The following SRR variants were observed in gnomAD, a reference collection of about 807,000 sequenced individuals.
The protein encoded by SRR is serine racemase.
SRR carries 19 observed loss-of-function variants against 32.7 expected under a neutral mutation model. The observed-to-expected ratio is 0.58, with a 90% confidence interval of 0.40 to 0.85. The LOEUF (loss-of-function observed/expected upper bound fraction) is 0.85. Among genes scored for constraint, SRR ranks in the 40% least tolerant of loss-of-function variants. SRR has a pLI of 0.00. For missense variants in SRR, 373 were observed against 404.7 expected, an observed-to-expected ratio of 0.92 and a Z score of 0.67; for synonymous variants, 142 against 140.9, an observed-to-expected ratio of 1.01 and a Z score of -0.06.
chr17:2,303,556 GC>G, upstream of SRR: 1 of 1,348,764 alleles, frequency 7.4e-7, no homozygotes, highest in East Asian at 3.1e-5. Context: ...CGAGGGCCGA[GC>G]GGGGAGGAGG....
intron 1 of SRR, among the ~76,000 whole-genome samples, chr17:2,314,109 A>G (rs1217745698): frequency 6.6e-6 from 1 of 152,248 alleles, no homozygotes; most frequent in Non-Finnish European, 1.5e-5. Context: ...AGTCAAATGT[A>G]GGAGCAAATA....
Position 2,317,884 on chromosome 17 carries a change from C to G in SRR, c.183C>G (p.Leu61=). 6.2e-7 allele frequency: 1 copy of G among 1,613,804 alleles called. No homozygotes were observed. The highest frequency in any genetic ancestry group is 8.5e-7 in the Non-Finnish European group (1 of 1,179,876). The change falls in exon 3 of 8, where the codon CTC becomes CTG. Residue 61 remains leucine, a synonymous_variant. Coordinates refer to ENST00000344595, the MANE Select transcript of SRR (RefSeq NM_021947.3). ...KTGSFKIRGA[L]NAVRSLVPDA... is the part of the protein sequence containing the mutation. The stretch of plus-strand genomic sequence containing the variant: ...CTCTTTTTCAGATTCGTGGTGCTCT[C>G]AATGCCGTCAGAAGCTTGGTTCCTG...
rs2075565615 is a variant in SRR at position 2,324,834 on chromosome 17, A to T, written c.*961A>T. On this transcript the variant is annotated 3_prime_UTR_variant, in exon 8 of 8. Coordinates refer to ENST00000344595, the MANE Select transcript of SRR (RefSeq NM_021947.3). ...TAGCAATGAGGCTGTGCATTCCTAA[A>T]GGACAAAAGCAAAGAAGCTATTTAG... The T allele has an allele frequency of 1.2e-6, 2 of 1,604,414 alleles. No individual in the cohort carries two copies. The highest frequency in any genetic ancestry group is 4.5e-5 in the East Asian group (2 of 44,854).
chr17:2,320,609 T>G (rs987375270), intron 4 of SRR, among the ~76,000 whole-genome samples: 1 of 151,998 alleles, frequency 6.6e-6, no homozygotes, highest in African/African-American at 2.4e-5. Context: ...CAACCCAGGC[T>G]GGAGTGCGGT....
chr17:2,321,602 G>A lies in SRR; in HGVS notation c.580G>A (p.Ala194Thr). 1.9e-6 allele frequency: 3 copies of A among 1,613,930 alleles called. No individual in the cohort carries two copies. Among genetic ancestry groups the A allele is most frequent in the Non-Finnish European group, 2.5e-6 (3 of 1,179,958 alleles). ...VGGGGMLAGI[A>T]ITVKALKPSV... Reference sequence around the variant, plus strand: ...TGGAGGAGGAATGCTTGCTGGAATAGCAATTACAGTTAAGGTGAGCAGCTT... The same window carrying A: ...TGGAGGAGGAATGCTTGCTGGAATAACAATTACAGTTAAGGTGAGCAGCTT... The change falls in exon 6 of 8, where the codon GCA becomes ACA. Residue 194 changes from alanine (A) to threonine (T), a missense_variant. By Grantham distance (58) the Ala-to-Thr change is moderately conservative. Coordinates refer to ENST00000344595, the MANE Select transcript of SRR (RefSeq NM_021947.3).
In SRR at chr17:2,320,402, C is replaced by T. The variant is rs527596404; in HGVS notation, c.400-904C>T. ...TCCCGAGTAGCTGGGACTACAGGCG[C>T]GTGCCACCATGCCCAGCTAATTTTT... On this transcript the variant is annotated intron_variant, in intron 4 of 7. Transcript: ENST00000344595. 1.2e-4 allele frequency among the ~76,000 whole-genome samples: 18 copies of T among 151,318 alleles called. No homozygotes were observed. The East Asian group carries it at 1.4e-3, about 11-fold the overall frequency.
At chr17:2,305,495 TA>T (rs1412857029) in intron 1 of SRR, among the ~76,000 whole-genome samples, 1 of 152,024 alleles carries the variant, frequency 6.6e-6, no homozygotes, top group Non-Finnish European at 1.5e-5. Context: ...TACAAAAAAT[TA>T]ATAATTAAAT....
intron 1 of SRR, among the ~76,000 whole-genome samples, chr17:2,309,443 G>A (rs2075418268): frequency 6.6e-6 from 1 of 151,856 alleles, no homozygotes; most frequent in South Asian, 2.1e-4. Flanking sequence ...TTTCTTTCCT[G>A]TGTCACTCCT....
intron 1 of SRR, among the ~76,000 whole-genome samples, chr17:2,309,532 T>A (rs888021801): frequency 2.6e-5 from 4 of 152,228 alleles, no homozygotes; most frequent in African/African-American, 9.6e-5. Flanking sequence ...TAACAAGCCC[T>A]TTCTCATTTT....
intron 1 of SRR, among the ~76,000 whole-genome samples, chr17:2,308,852 C>G (rs1316167624): frequency 6.6e-6 from 1 of 151,728 alleles, no homozygotes; most frequent in Non-Finnish European, 1.5e-5. Flanking sequence ...GGTGTGGTGG[C>G]TCATACCTGT....
intron 1 of SRR, among the ~76,000 whole-genome samples, chr17:2,313,288 G>A (rs1225688635): frequency 6.6e-6 from 1 of 151,860 alleles, no homozygotes; most frequent in African/African-American, 2.4e-5. Context: ...AAATTAGCTG[G>A]GTGTGGTGGC....
At chr17:2,318,055 A>C in intron 3 of SRR, 59 bp downstream of exon 3, 3 of 1,492,892 alleles carry the variant, frequency 2.0e-6, no homozygotes, top group Non-Finnish European at 2.7e-6. Context: ...AAGTGCCCTT[A>C]ATTTCAGTGA....
chr17:2,312,606 A>T (rs190862044), intron 1 of SRR, among the ~76,000 whole-genome samples: 2 of 152,208 alleles, frequency 1.3e-5, no homozygotes, highest in African/African-American at 2.4e-5. Flanking sequence ...AAGAAACAAC[A>T]ACTACTAGAC....
intron 1 of SRR, among the ~76,000 whole-genome samples, chr17:2,314,966 G>GGGCACGGTGGCTTA (rs2075461125): frequency 6.6e-6 from 1 of 151,802 alleles, no homozygotes; most frequent in African/African-American, 2.4e-5. Context: ...AGGTGGAGCT[G>GGGCACGGTGGCTTA]GGCACGGTGG....
In SRR at chr17:2,324,536, C is replaced by T; in HGVS notation, c.*663C>T. The T allele has an allele frequency of 6.2e-7, 1 of 1,614,234 alleles. No homozygotes were observed. Among genetic ancestry groups the T allele is most frequent in the Non-Finnish European group, 8.5e-7 (1 of 1,180,044 alleles). ...TTCCTTGATATGTCCTCTCCGGCCC[C>T]ACTTCGTTCTCAGTTCCACTGGTTT... On this transcript the variant is annotated 3_prime_UTR_variant, in exon 8 of 8. Transcript: ENST00000344595.
chr17:2,315,732 A>C lies in SRR; in HGVS notation c.168+4A>C, dbSNP rs756599554. Reference sequence around the variant, plus strand: ...CCAGAAAACAGGATCTTTTAAGGTAACAATCCTTTTTCTCAGTGTATCATG... The same window carrying C: ...CCAGAAAACAGGATCTTTTAAGGTACCAATCCTTTTTCTCAGTGTATCATG... On this transcript the variant is annotated splice_donor_region_variant and intron_variant, in intron 2 of 7. Coordinates refer to ENST00000344595, the MANE Select transcript of SRR (RefSeq NM_021947.3). The C allele has an allele frequency of 1.2e-6, 2 of 1,612,998 alleles. No individual in the cohort carries two copies. The highest frequency in any genetic ancestry group is 1.7e-4 in the Middle Eastern group (1 of 6,060).
rs2075554600 is a variant in SRR, at chr17:2,323,708, T to C, written c.858T>C (p.Ala286=). 1 of 1,614,106 alleles carries C rather than the reference T, an allele frequency of 6.2e-7. No homozygotes were observed. Among genetic ancestry groups the C allele is most frequent in the East Asian group, 2.2e-5 (1 of 44,894 alleles). ...ERMKLLIEPT[A]GVGVAAVLSQ... is the part of the protein sequence containing the mutation. ...TGAAACTACTCATTGAACCTACAGC[T>C]GGTGTTGGAGTGGCTGCTGTGCTGT... is the stretch of plus-strand genomic sequence containing the variant. The change falls in exon 8 of 8, where the codon GCT becomes GCC. Residue 286 remains alanine (A), a synonymous_variant. Transcript: ENST00000344595.
At chr17:2,321,683 A>G in intron 6 of SRR, 67 bp downstream of exon 6, 1 of 1,439,364 alleles carries the variant, frequency 6.9e-7, no homozygotes, top group Middle Eastern at 1.8e-4. Flanking sequence ...AATGTTCTGT[A>G]TACACGTGCT....
Position 2,316,811 on chromosome 17 carries a change from C to T in SRR, c.169-1059C>T, listed in dbSNP as rs565226917. ...CACTGTAAGCTCCACCTCCCAGGTT[C>T]ACGCCATTCTCCTGCCTCAGCCACC... On this transcript the variant is annotated intron_variant, in intron 2 of 7. Coordinates refer to ENST00000344595, the MANE Select transcript of SRR (RefSeq NM_021947.3). Among the ~76,000 whole-genome samples the T allele has an allele frequency of 7.9e-5, 12 of 152,132 alleles. No individual in the cohort carries two copies. In the South Asian group the frequency reaches 2.3e-3, roughly 29 times the overall value.
Sources: allele counts gnomAD v4.1 joint callset (sites outside exome capture counted in the v4.1 genomes callset), GRCh38; gene constraint gnomAD v4.1.1; transcripts MANE v1.5; gene names NCBI Gene and HGNC (gene_info 2026-07-23, HGNC 2026-07-21).